The following CERT1 variants were observed in gnomAD, a reference collection of about 807,000 sequenced individuals.
CERT1 encodes ceramide transporter 1.
CERT1 carries 31 observed loss-of-function variants against 87.9 expected under a neutral mutation model. That is an observed-to-expected ratio of 0.35 (90% confidence interval 0.27 to 0.48). CERT1 has a LOEUF of 0.48. Among genes scored for constraint, CERT1 ranks in the 20% least tolerant of loss-of-function variants. CERT1 has a pLI of 0.99. For synonymous variants in CERT1, 289 were observed against 250.9 expected (o/e 1.15, Z -1.44); for missense variants, 487 against 758.0 (o/e 0.64, Z 4.20).
intron 2 of CERT1, among the ~76,000 whole-genome samples, chr5:75,497,552 G>A (rs896964829): frequency 6.6e-6 from 1 of 152,050 alleles, no homozygotes; most frequent in Non-Finnish European, 1.5e-5. Flanking sequence ...ATGTGCTGTG[G>A]AAAGGACCTG....
At chr5:75,488,396 C>T (rs1580843110) in intron 2 of CERT1, among the ~76,000 whole-genome samples, 2 of 151,888 alleles carry the variant, frequency 1.3e-5, no homozygotes, top group South Asian at 4.1e-4. Flanking sequence ...AAAATAGTAA[C>T]TTGAAAATGT....
chr5:75,417,857 T>C (rs1315068102), intron 6 of CERT1, among the ~76,000 whole-genome samples: 1 of 152,124 alleles, frequency 6.6e-6, no homozygotes, highest in East Asian at 1.9e-4. Context: ...ACCTCAAAGC[T>C]CATTAATAAT....
At chr5:75,461,645 A>C (rs184591906) in intron 2 of CERT1, among the ~76,000 whole-genome samples, 1 of 152,218 alleles carries the variant, frequency 6.6e-6, no homozygotes, top group East Asian at 1.9e-4. Context: ...GAAAAATAAA[A>C]GAACATATAG....
intron 5 of CERT1, among the ~76,000 whole-genome samples, chr5:75,422,488 C>T (rs964806092): frequency 3.3e-5 from 5 of 152,086 alleles, no homozygotes; most frequent in Admixed American, 1.3e-4. Flanking sequence ...TGGTGGTGCA[C>T]ATCTGTAGTC....
At chr5:75,427,377 T>C (rs1472408776) in intron 3 of CERT1, among the ~76,000 whole-genome samples, 4 of 152,160 alleles carry the variant, frequency 2.6e-5, no homozygotes, top group African/African-American at 9.7e-5. Flanking sequence ...GGTGGGTGGA[T>C]CACTTGAGGT....
chr5:75,382,050 C>A lies in CERT1; in HGVS notation c.1516G>T (p.Val506Leu). ...KRVWPASQRD[V>L]LYLSVIRKIP... ...TTTCGAATGACAGAAAGATATAATA[C>A]GTCTCGCTGAGAAGCAGGCCACACC... is the stretch of plus-strand genomic sequence containing the variant. The change falls in exon 15 of 17, where the codon GTA (valine) becomes TTA (leucine). Residue 506 changes from valine to leucine, a missense_variant. By Grantham distance (32) the Val-to-Leu change is conservative. This residue lies in a region of CERT1 where 147 missense variants were observed against 200.8 expected (regional missense o/e 0.73). Transcript: ENST00000643780. 1 of 1,613,880 alleles carries A rather than the reference C, an allele frequency of 6.2e-7. No individual in the cohort carries two copies. The highest frequency in any genetic ancestry group is 8.5e-7 in the Non-Finnish European group (1 of 1,179,900).
At chr5:75,456,631 A>G (rs1764992592) in intron 3 of CERT1, among the ~76,000 whole-genome samples, 1 of 141,370 alleles carries the variant, frequency 7.1e-6, no homozygotes, top group Non-Finnish European at 1.5e-5. Context: ...CCGAGATCAC[A>G]CTCCATGCTG....
chr5:75,404,395 T>C (rs1762625072), intron 8 of CERT1, among the ~76,000 whole-genome samples: 1 of 151,158 alleles, frequency 6.6e-6, no homozygotes, highest in South Asian at 2.1e-4. Flanking sequence ...TACCATCTAA[T>C]GACCATCTGG....
intron 2 of CERT1, among the ~76,000 whole-genome samples, chr5:75,502,371 T>C (rs1217793853): frequency 6.6e-6 from 1 of 152,140 alleles, no homozygotes; most frequent in African/African-American, 2.4e-5. Flanking sequence ...AGTGGTACTC[T>C]TGAAGGAGTA....
intron 6 of CERT1, among the ~76,000 whole-genome samples, chr5:75,418,335 A>G (rs896314930): frequency 6.6e-6 from 1 of 152,210 alleles, no homozygotes; most frequent in Non-Finnish European, 1.5e-5. Flanking sequence ...TATTAGAATG[A>G]CTGAAATTTG....
At chr5:75,402,371 A>G (rs1017845037) in intron 9 of CERT1, 1 of 152,256 alleles carries the variant, frequency 6.6e-6, no homozygotes, top group African/African-American at 2.4e-5. Context: ...TTTAAGCTGG[A>G]CACTTAAAGG....
chr5:75,448,798 T>C (rs1316105235), intron 3 of CERT1, among the ~76,000 whole-genome samples: 2 of 152,200 alleles, frequency 1.3e-5, no homozygotes, highest in Admixed American at 6.5e-5. Flanking sequence ...TTTTGCAGTA[T>C]GTAATCTCAT....
intron 3 of CERT1, among the ~76,000 whole-genome samples, chr5:75,435,279 G>C (rs1764041534): frequency 6.6e-6 from 1 of 152,148 alleles, no homozygotes; most frequent in South Asian, 2.1e-4. Flanking sequence ...TTCATTTCCA[G>C]AAGTTCTGTT....
At chr5:75,498,679 C>G (rs1216811201) in intron 2 of CERT1, among the ~76,000 whole-genome samples, 1 of 152,210 alleles carries the variant, frequency 6.6e-6, no homozygotes, top group Admixed American at 6.5e-5. Context: ...ATGGAAACAC[C>G]TGGATGTCCA....
chr5:75,457,424 T>C (rs773131409), intron 3 of CERT1, among the ~76,000 whole-genome samples: 1 of 152,216 alleles, frequency 6.6e-6, no homozygotes, highest in Non-Finnish European at 1.5e-5. Flanking sequence ...GCTGCATGCA[T>C]GGCCTGGCTC....
intron 13 of CERT1, 73 bp downstream of exon 13, chr5:75,385,829 T>A: frequency 8.7e-7 from 1 of 1,150,668 alleles, no homozygotes; most frequent in South Asian, 3.1e-5. Context: ...ATGTAGGAGA[T>A]GCAGAAAACT....
chr5:75,506,291 G>A (rs1767648359), intron 1 of CERT1, among the ~76,000 whole-genome samples, 175 bp from the exon 2 acceptor site: 1 of 152,184 alleles, frequency 6.6e-6, no homozygotes, highest in Admixed American at 6.5e-5. Context: ...AGATTTTCTA[G>A]ATTGCATAAT....
intron 6 of CERT1, 43 bp downstream of exon 6, chr5:75,419,298 A>G: frequency 7.8e-7 from 1 of 1,287,502 alleles, no homozygotes; most frequent in Non-Finnish European, 1.1e-6. Context: ...ATAACTTCTG[A>G]AAGTATATTT....
At chr5:75,505,946 T>C in intron 2 of CERT1, 36 bp downstream of exon 2, 3 of 1,560,400 alleles carry the variant, frequency 1.9e-6, no homozygotes, top group Non-Finnish European at 1.8e-6. Context: ...TGACACTCAA[T>C]AAATATTTGT....
Sources: allele counts gnomAD v4.1 joint callset (sites outside exome capture counted in the v4.1 genomes callset), GRCh38; gene constraint gnomAD v4.1.1; regional missense constraint gnomAD v4.1.1; transcripts MANE v1.5; gene names NCBI Gene and HGNC (gene_info 2026-07-23, HGNC 2026-07-21).